Variants in VWC2L observed in about 807,000 individuals in gnomAD.
VWC2L encodes von Willebrand factor C domain containing 2 like.
Under a neutral mutation model 21.6 loss-of-function variants are expected in VWC2L, and 10 were observed. The observed-to-expected ratio is 0.46, with a 90% CI of 0.29 to 0.78. VWC2L has a LOEUF of 0.78. VWC2L is among the 30% of genes least tolerant of loss of function. VWC2L has a pLI of 0.10. For missense variants in VWC2L, 209 were observed against 277.1 expected (o/e 0.75, Z 1.74); for synonymous variants, 96 against 94.3 (o/e 1.02, Z -0.10).
intron 3 of VWC2L, among the ~76,000 whole-genome samples, chr2:214,535,020 G>A (rs544932085): frequency 7.2e-5 from 11 of 152,132 alleles, no homozygotes; most frequent in South Asian, 6.2e-4. Context: ...CTGCAAAAAC[G>A]GATAGGCGGA....
Position 214,479,374 on chromosome 2 carries a change from G to C in VWC2L, c.520+42616G>C, listed in dbSNP as rs549212174. 4.0e-4 allele frequency among the ~76,000 whole-genome samples: 60 copies of C among 151,584 alleles called. No homozygotes were observed. In the South Asian group the frequency reaches 4.6e-3, roughly 12 times the overall value. Reference sequence around the variant, plus strand: ...ATTTATTCTCCCTATTTATCTATTTGTGCCCTGTTGTTGGACTTTTGGACT... The same window carrying C: ...ATTTATTCTCCCTATTTATCTATTTCTGCCCTGTTGTTGGACTTTTGGACT... On this transcript the variant is annotated intron_variant, in intron 3 of 3. Coordinates refer to ENST00000312504, the MANE Select transcript of VWC2L (RefSeq NM_001080500.4).
chr2:214,527,762 C>T (rs1360470853), intron 3 of VWC2L, among the ~76,000 whole-genome samples: 1 of 152,052 alleles, frequency 6.6e-6, no homozygotes, highest in Non-Finnish European at 1.5e-5. Flanking sequence ...AATTTTATTG[C>T]CTCAAAGTAC....
chr2:214,513,746 C>T (rs181415108), intron 3 of VWC2L, among the ~76,000 whole-genome samples: 1 of 152,102 alleles, frequency 6.6e-6, no homozygotes, highest in African/African-American at 2.4e-5. Context: ...TTGGGAAACA[C>T]AAGTTATAAA....
chr2:214,561,784 T>TATATATATATATATATATA (rs1689976196), intron 3 of VWC2L, among the ~76,000 whole-genome samples: 1 of 128,672 alleles, frequency 7.8e-6, no homozygotes, highest in African/African-American at 3.4e-5. Context: ...TCAAAAAAAA[T>TATATATATATATATATATA]TATATATATA....
chr2:214,500,915 T>A (rs574132402), intron 3 of VWC2L, among the ~76,000 whole-genome samples: 1 of 152,344 alleles, frequency 6.6e-6, no homozygotes, highest in South Asian at 2.1e-4. Flanking sequence ...CACTCACTCT[T>A]GATGAAACTA....
chr2:214,525,430 G>A (rs1201082551), intron 3 of VWC2L: 1 of 152,180 alleles, frequency 6.6e-6, no homozygotes, highest in Non-Finnish European at 1.5e-5. Context: ...CCCGGGTGAG[G>A]AGGTTGTTTC....
intron 3 of VWC2L, among the ~76,000 whole-genome samples, chr2:214,451,312 G>C (rs920657115): frequency 2.2e-4 from 33 of 150,606 alleles, no homozygotes; most frequent in East Asian, 5.9e-4. Flanking sequence ...TCGGTGTGGG[G>C]GGGGGGGGCA....
intron 3 of VWC2L, among the ~76,000 whole-genome samples, chr2:214,502,710 C>G (rs1688912001): frequency 6.6e-6 from 1 of 152,134 alleles, no homozygotes; most frequent in Admixed American, 6.6e-5. Context: ...TTGCAGTCTC[C>G]CCTCTATTTT....
intron 3 of VWC2L, among the ~76,000 whole-genome samples, chr2:214,470,943 A>AAAAAAAAAAAGG (rs1703299114): frequency 7.2e-6 from 1 of 138,768 alleles, no homozygotes; most frequent in Admixed American, 7.3e-5. Flanking sequence ...AAAAAAAAAA[A>AAAAAAAAAAAGG]GATAGGTGAT....
chr2:214,575,307 T>G (rs1385432316), intron 3 of VWC2L, among the ~76,000 whole-genome samples: 1 of 152,068 alleles, frequency 6.6e-6, no homozygotes, highest in Admixed American at 6.6e-5. Context: ...ATGTCAGCCC[T>G]CCCTCGTGTT....
At chr2:214,445,190 G>C (rs932206701) in intron 3 of VWC2L, among the ~76,000 whole-genome samples, 1 of 151,732 alleles carries the variant, frequency 6.6e-6, no homozygotes, top group African/African-American at 2.4e-5. Context: ...GCTCTCTGAA[G>C]GGTAGTAAAA....
At chr2:214,551,400 T>C (rs1376610233) in intron 3 of VWC2L, among the ~76,000 whole-genome samples, 3 of 152,226 alleles carry the variant, frequency 2.0e-5, no homozygotes, top group African/African-American at 4.8e-5. Context: ...GCAGTTTCAG[T>C]GCCTGGAGCA....
At chr2:214,571,041 C>G (rs778915836) in intron 3 of VWC2L, among the ~76,000 whole-genome samples, 5 of 152,146 alleles carry the variant, frequency 3.3e-5, no homozygotes, top group Non-Finnish European at 7.3e-5. Flanking sequence ...TTTCTGAAGA[C>G]TATATAAATA....
chr2:214,442,719 G>C (rs770788428), intron 3 of VWC2L, among the ~76,000 whole-genome samples: 18 of 151,734 alleles, frequency 1.2e-4, no homozygotes, highest in Admixed American at 1.2e-3. Flanking sequence ...AATTTTTCTA[G>C]AGAAAAGGCA....
Position 214,463,698 on chromosome 2 carries a change from TTTAA to T in VWC2L, c.520+26943_520+26946del, listed in dbSNP as rs1378899472. Among the ~76,000 whole-genome samples the T allele has an allele frequency of 7.3e-5, 11 of 151,698 alleles. No individual in the cohort carries two copies. In the South Asian group the frequency reaches 1.0e-3, roughly 14 times the overall value. On this transcript the variant is annotated intron_variant, in intron 3 of 3. Transcript: ENST00000312504. ...TTGTTGGATATTTAAGCTGTAATTATTTAATTTTTTATTTTAGTAGTTGCTTTGA... is the reference window on the plus strand; with the variant it reads ...TTGTTGGATATTTAAGCTGTAATTATTTTTTTATTTTAGTAGTTGCTTTGA...
chr2:214,508,323 A>G (rs1688999121), intron 3 of VWC2L, among the ~76,000 whole-genome samples: 1 of 152,064 alleles, frequency 6.6e-6, no homozygotes, highest in Non-Finnish European at 1.5e-5. Flanking sequence ...TTATTCTAAA[A>G]CTACAGAAAT....
chr2:214,482,332 G>T (rs1458080367), intron 3 of VWC2L, among the ~76,000 whole-genome samples: 1 of 151,962 alleles, frequency 6.6e-6, no homozygotes, highest in Admixed American at 6.6e-5. Context: ...CCTAAAACAC[G>T]CTACTCAATT....
chr2:214,461,872 T>C (rs1465835397), intron 3 of VWC2L, among the ~76,000 whole-genome samples: 1 of 152,120 alleles, frequency 6.6e-6, no homozygotes, highest in Non-Finnish European at 1.5e-5. Flanking sequence ...GTGCGTGTGG[T>C]TGCTATCAGT....
Position 214,499,836 on chromosome 2 carries a change from T to C in VWC2L, c.520+63078T>C, listed in dbSNP as rs1420975178. Among the ~76,000 whole-genome samples, 3 of 152,170 alleles carry C rather than the reference T, an allele frequency of 2.0e-5. No homozygotes were observed. In the East Asian group the frequency reaches 5.8e-4, roughly 29 times the overall value. On this transcript the variant is annotated intron_variant, in intron 3 of 3. Transcript: ENST00000312504. ...ATTTAACAAATATTCATTGAGCCAC[T>C]ACAAAGTGTCAGACACTTTTCTGAG...
Sources: gnomAD v4.1 joint callset for allele counts (sites outside exome capture counted in the v4.1 genomes callset) on GRCh38, gnomAD v4.1.1 for gene constraint, MANE v1.5 for transcripts, NCBI Gene and HGNC (gene_info 2026-07-23, HGNC 2026-07-21) for gene names.